GSDMC: variants seen among roughly 807,000 people sequenced by gnomAD.
The protein encoded by GSDMC is gasdermin-C.
GSDMC carries 59 observed loss-of-function variants against 58.0 expected under a neutral mutation model. The observed-to-expected ratio is 1.02, with a 90% CI of 0.82 to 1.26. The LOEUF (loss-of-function observed/expected upper bound fraction) is 1.26. GSDMC is among the 50% of genes most tolerant of loss of function. GSDMC has a pLI of 0.00. For synonymous variants in GSDMC, 241 were observed against 220.2 expected (o/e 1.09, Z -0.83); for missense variants, 659 against 598.5 (o/e 1.10, Z -1.06).
chr8:129,731,855 C>T, the GSDMC span, among the ~76,000 whole-genome samples: 1 of 152,218 alleles, frequency 6.6e-6, no homozygotes, highest in Non-Finnish European at 1.5e-5. Flanking sequence ...GTTGGGCACC[C>T]TGTGGCCCAG....
the GSDMC span, chr8:129,730,230 G>A: frequency 7.7e-7 from 1 of 1,298,124 alleles, no homozygotes; most frequent in Non-Finnish European, 1.1e-6. Flanking sequence ...AAGACACGAT[G>A]CTAGAAAAAT....
At chr8:129,705,951 G>A in the GSDMC span, among the ~76,000 whole-genome samples, 1 of 151,994 alleles carries the variant, frequency 6.6e-6, no homozygotes, top group Non-Finnish European at 1.5e-5. Flanking sequence ...AAGTCAATCA[G>A]GTAATCAATC....
intron 13 of GSDMC, among the ~76,000 whole-genome samples, chr8:129,749,097 A>T (rs892597409): frequency 4.6e-5 from 7 of 152,168 alleles, no homozygotes; most frequent in Middle Eastern, 6.8e-3. Flanking sequence ...TTAGCAAATC[A>T]TAACAGTGTA....
chr8:129,713,289 G>A, the GSDMC span, among the ~76,000 whole-genome samples: 1 of 152,216 alleles, frequency 6.6e-6, no homozygotes, highest in African/African-American at 2.4e-5. Context: ...CTGTGTGTCT[G>A]TTTTCAAAGG....
downstream of GSDMC, among the ~76,000 whole-genome samples, chr8:129,743,256 T>C (rs796970080): frequency 4.6e-5 from 7 of 152,336 alleles, no homozygotes; most frequent in African/African-American, 1.7e-4. Flanking sequence ...GTATCACAGG[T>C]CCTTGAAGGT....
chr8:129,782,174 T>C (rs2034434026), intron 1 of GSDMC, among the ~76,000 whole-genome samples: 1 of 152,110 alleles, frequency 6.6e-6, no homozygotes, highest in African/African-American at 2.4e-5. Context: ...ACACAAATGA[T>C]AATGCAAACA....
the GSDMC span, among the ~76,000 whole-genome samples, chr8:129,736,994 T>A: frequency 0.32 from 49,351 of 152,022 alleles, 11,600 homozygotes; most frequent in African/African-American, 0.65. Context: ...TATACACCAA[T>A]AACAGACAAA....
chr8:129,781,125 G>A (rs1392482594), intron 1 of GSDMC, among the ~76,000 whole-genome samples: 2 of 151,950 alleles, frequency 1.3e-5, no homozygotes, highest in Non-Finnish European at 2.9e-5. Flanking sequence ...AGAAGAAACA[G>A]AAGATCACAA....
intron 6 of GSDMC, 106 bp from the exon 7 acceptor site, chr8:129,752,926 G>T: frequency 1.3e-6 from 2 of 1,539,734 alleles, no homozygotes; most frequent in Non-Finnish European, 1.8e-6. Flanking sequence ...CAGTGCCAGT[G>T]CACGAAGGGA....
At chr8:129,736,521 G>A in the GSDMC span, among the ~76,000 whole-genome samples, 1 of 152,056 alleles carries the variant, frequency 6.6e-6, no homozygotes, top group Non-Finnish European at 1.5e-5. Context: ...CACATAAACG[G>A]AACCATCGAC....
intron 1 of GSDMC, among the ~76,000 whole-genome samples, chr8:129,778,903 A>C (rs2034327701): frequency 6.6e-6 from 1 of 152,216 alleles, no homozygotes; most frequent in Non-Finnish European, 1.5e-5. Context: ...TCAAAACCAC[A>C]ATGAGATATC....
the GSDMC span, among the ~76,000 whole-genome samples, chr8:129,741,037 G>C: frequency 1.1e-4 from 17 of 151,890 alleles, no homozygotes; most frequent in Admixed American, 1.1e-3. Flanking sequence ...TGAGTATAAA[G>C]GTCCAATTTT....
At chr8:129,715,441 T>G in the GSDMC span, among the ~76,000 whole-genome samples, 6 of 151,892 alleles carry the variant, frequency 4.0e-5, no homozygotes, top group Non-Finnish European at 8.8e-5. Flanking sequence ...GAAAAAAAAA[T>G]ATTTGGAGAA....
intron 1 of GSDMC, among the ~76,000 whole-genome samples, chr8:129,779,682 G>C (rs1280276989): frequency 6.6e-6 from 1 of 151,650 alleles, no homozygotes; most frequent in Non-Finnish European, 1.5e-5. Context: ...AGTCCAGGAA[G>C]CCTATAAGGA....
chr8:129,773,506 C>T (rs949819671), intron 3 of GSDMC, among the ~76,000 whole-genome samples: 28 of 152,112 alleles, frequency 1.8e-4, no homozygotes, highest in Admixed American at 1.0e-3. Flanking sequence ...ATGTATAGGC[C>T]GGGCATGGTG....
chr8:129,743,895 T>C (rs1303888769), downstream of GSDMC, among the ~76,000 whole-genome samples: 3 of 152,188 alleles, frequency 2.0e-5, no homozygotes, highest in Non-Finnish European at 4.4e-5. Flanking sequence ...GAAACCCAAA[T>C]ATCTGCCAGA....
At chr8:129,741,116 C>G in the GSDMC span, among the ~76,000 whole-genome samples, 3 of 152,074 alleles carry the variant, frequency 2.0e-5, no homozygotes, top group African/African-American at 7.2e-5. Flanking sequence ...TTCCCCATTA[C>G]GCATTCTTGG....
intron 6 of GSDMC, among the ~76,000 whole-genome samples, chr8:129,758,334 G>A (rs2033523024): frequency 6.6e-6 from 1 of 152,130 alleles, no homozygotes; most frequent in Non-Finnish European, 1.5e-5. Flanking sequence ...ATTCATTATT[G>A]CTGTTTAGCA....
chr8:129,753,005 A>C (rs1450439302), intron 6 of GSDMC, 185 bp from the exon 7 acceptor site: 1 of 1,132,942 alleles, frequency 8.8e-7, no homozygotes, highest in Non-Finnish European at 1.2e-6. Context: ...TTTCTTGGCA[A>C]GCCTTGCAAA....
Sources: allele counts gnomAD v4.1 joint callset (sites outside exome capture counted in the v4.1 genomes callset), GRCh38; gene constraint gnomAD v4.1.1; transcripts MANE v1.5; gene names NCBI Gene and HGNC (gene_info 2026-07-23, HGNC 2026-07-21).